The following SYTL3 variants were observed in gnomAD, a reference collection of about 807,000 sequenced individuals.
SYTL3 encodes synaptotagmin like 3, also known as synaptotagmin-like protein 3.
A neutral mutation model predicts 82.1 loss-of-function variants in SYTL3; 88 were observed. The ratio of observed to expected loss-of-function variants is 1.07; its 90% CI spans 0.90 to 1.28. The LOEUF (loss-of-function observed/expected upper bound fraction) is 1.28, where lower values mean the gene tolerates loss of function less well. SYTL3 is among the 50% of genes most tolerant of loss of function. The probability of loss-of-function intolerance (pLI) is 0.00; values close to 1 mark genes in which losing one functional copy is unlikely to be tolerated. For synonymous variants in SYTL3, 311 were observed against 289.4 expected, an observed-to-expected ratio of 1.07 and a Z score of -0.76; for missense variants, 831 against 757.6, an observed-to-expected ratio of 1.10 and a Z score of -1.14.
chr6:158,705,901 G>GGCAGGATGA (rs1413722068), intron 6 of SYTL3, among the ~76,000 whole-genome samples: 1 of 152,132 alleles, frequency 6.6e-6, no homozygotes, highest in Non-Finnish European at 1.5e-5. Context: ...CCCCAGGATG[G>GGCAGGATGA]GCAGGATGAG....
At chr6:158,760,351 G>A (rs945010718) in intron 14 of SYTL3, among the ~76,000 whole-genome samples, 2 of 152,214 alleles carry the variant, frequency 1.3e-5, no homozygotes, top group Admixed American at 1.3e-4. Context: ...TCGTAGAAAT[G>A]TCTTAGGGAG....
At chr6:158,657,437 A>G (rs1407719274) in intron 2 of SYTL3, among the ~76,000 whole-genome samples, 2 of 138,148 alleles carry the variant, frequency 1.4e-5, no homozygotes, top group South Asian at 4.7e-4. Context: ...AAAAAAAAAA[A>G]AAAAAAAAAG....
intron 6 of SYTL3, among the ~76,000 whole-genome samples, chr6:158,692,348 T>G (rs1284690409): frequency 4.9e-5 from 7 of 141,856 alleles, no homozygotes. Context: ...GTATTTCTAA[T>G]AGTTAGGGAA....
At chr6:158,675,987 C>A (rs930668345) in intron 5 of SYTL3, among the ~76,000 whole-genome samples, 1 of 152,096 alleles carries the variant, frequency 6.6e-6, no homozygotes, top group Non-Finnish European at 1.5e-5. Flanking sequence ...AATGGCCATA[C>A]TGCCCAAGGT....
intron 6 of SYTL3, among the ~76,000 whole-genome samples, chr6:158,697,915 C>T (rs1780736269): frequency 6.6e-6 from 1 of 152,144 alleles, no homozygotes; most frequent in Non-Finnish European, 1.5e-5. Flanking sequence ...TGTCTGGTGG[C>T]AGAAGGATGC....
At chr6:158,665,249 A>C in intron 4 of SYTL3, 146 bp from the exon 5 acceptor site, 1 of 687,144 alleles carries the variant, frequency 1.5e-6, no homozygotes, top group East Asian at 2.7e-5. Context: ...GTGAGAGCCC[A>C]GTTCACACAG....
rs117598259 is a variant in SYTL3 at position 158,674,800 on chromosome 6, C to T, written c.330-8125C>T. On this transcript the variant is annotated intron_variant, in intron 5 of 17. Transcript: ENST00000611299. ...AACAGACGACAGACAGGGCACAGACCTTGTTTGTTCTGACCTGCGCAGTGT... is the reference window on the plus strand; with the variant it reads ...AACAGACGACAGACAGGGCACAGACTTTGTTTGTTCTGACCTGCGCAGTGT... 6.9e-3 allele frequency among the ~76,000 whole-genome samples: 1,047 copies of T among 152,240 alleles called. 33 individuals carry two copies. The South Asian group carries it at 0.088, about 13-fold the overall frequency.
chr6:158,745,459 A>G (rs1787504981), intron 11 of SYTL3, 21 bp from the exon 12 acceptor site: 1 of 1,594,702 alleles, frequency 6.3e-7, no homozygotes, highest in Non-Finnish European at 8.5e-7. Flanking sequence ...AACTTATTAT[A>G]TCTGTTATTC....
Position 158,745,651 on chromosome 6 carries a change from T to G in SYTL3, c.1027T>G (p.Cys343Gly). ...CTATGGAGAAGAAAAGAAGAAAAAGTGCAATCCGTAAGTTGTTTTTTTTAA... is the reference window on the plus strand; with the variant it reads ...CTATGGAGAAGAAAAGAAGAAAAAGGGCAATCCGTAAGTTGTTTTTTTTAA... Reference protein sequence around the residue: ...LAYGEEKKKKCNPYVKTYLLP... With the variant: ...LAYGEEKKKKGNPYVKTYLLP... The change falls in exon 12 of 18, where the codon TGC becomes GGC. Residue 343 changes from cysteine (C) to glycine (G), a missense_variant. Cys to Gly is a radical substitution (Grantham distance 159). Coordinates refer to ENST00000611299, the MANE Select transcript of SYTL3 (RefSeq NM_001242394.2). The G allele has an allele frequency of 6.3e-7, 1 of 1,595,610 alleles. No homozygotes were observed. Among genetic ancestry groups the G allele is most frequent in the Non-Finnish European group, 8.5e-7 (1 of 1,173,830 alleles).
At chr6:158,759,597 A>G (rs1789632120) in intron 14 of SYTL3, among the ~76,000 whole-genome samples, 1 of 152,126 alleles carries the variant, frequency 6.6e-6, no homozygotes, top group Non-Finnish European at 1.5e-5. Flanking sequence ...AAGTGGCGTG[A>G]TCTTGGCTCA....
chr6:158,735,936 C>G (rs1786090281), intron 11 of SYTL3, among the ~76,000 whole-genome samples: 1 of 152,182 alleles, frequency 6.6e-6, no homozygotes, highest in African/African-American at 2.4e-5. Flanking sequence ...TAGTTGAACT[C>G]TCTTTAGTTG....
intron 10 of SYTL3, among the ~76,000 whole-genome samples, chr6:158,722,788 T>A (rs1259649150): frequency 3.3e-5 from 4 of 121,614 alleles, no homozygotes; most frequent in Non-Finnish European, 6.7e-5. Flanking sequence ...TTTTTTTTTT[T>A]AAGATGGAGT....
intron 6 of SYTL3, among the ~76,000 whole-genome samples, chr6:158,696,376 T>C (rs942906477): frequency 1.3e-5 from 2 of 151,740 alleles, no homozygotes; most frequent in Non-Finnish European, 2.9e-5. Flanking sequence ...TTTTTTTTTT[T>C]TGTATTTTAG....
Position 158,762,217 on chromosome 6 carries a change from A to G in SYTL3, c.1517+39A>G, listed in dbSNP as rs575578600. ...GTAATCAAATATTTATTGGTGATCT[A>G]GTATACATCACAACATGGCCCAGAA... On this transcript the variant is annotated intron_variant, in intron 16 of 17. Coordinates refer to ENST00000611299, the MANE Select transcript of SYTL3 (RefSeq NM_001242394.2). 249 of 1,447,372 alleles carry G rather than the reference A, an allele frequency of 1.7e-4. 4 individuals carry two copies. In the South Asian group the frequency reaches 2.8e-3, roughly 16 times the overall value. The allele number at this position is 1,447,372 out of a possible 1,614,324, so 89.7% of individuals were successfully genotyped here.
intron 5 of SYTL3, among the ~76,000 whole-genome samples, chr6:158,677,261 A>G (rs1231203990): frequency 2.0e-5 from 3 of 152,204 alleles, no homozygotes; most frequent in Non-Finnish European, 2.9e-5. Flanking sequence ...TTGTAGGGAC[A>G]TGGATGAAGC....
chr6:158,763,445 T>C lies in SYTL3; in HGVS notation c.1659T>C (p.Thr553=), dbSNP rs2128556409. ...AQLRQSSLEL[T]VWDQALFGMN... ...TGAGGCAGTCAAGCTTGGAGTTAAC[T>C]GTCTGGGATCAGGCCCTCTTTGGAA... The change falls in exon 17 of 18, where the codon ACT becomes ACC. Residue 553 remains threonine (T), a synonymous_variant. Transcript: ENST00000611299. 1 of 1,614,200 alleles carries C rather than the reference T, an allele frequency of 6.2e-7. No homozygotes were observed. Among genetic ancestry groups the C allele is most frequent in the Non-Finnish European group, 8.5e-7 (1 of 1,180,020 alleles).
Position 158,678,062 on chromosome 6 carries a change from G to A in SYTL3, c.330-4863G>A, listed in dbSNP as rs151207415. Among the ~76,000 whole-genome samples, 876 of 152,182 alleles carry A rather than the reference G, an allele frequency of 5.8e-3. 16 individuals are homozygous for A. The highest frequency in any genetic ancestry group is 0.017 in the East Asian group (88 of 5,172). Reference sequence around the variant, plus strand: ...GCACCACCATGTCTGGCTGATTTTTGTATTTTTGGTAGGGATGTTGCTCAG... The same window carrying A: ...GCACCACCATGTCTGGCTGATTTTTATATTTTTGGTAGGGATGTTGCTCAG... On this transcript the variant is annotated intron_variant, in intron 5 of 17. Coordinates refer to ENST00000611299, the MANE Select transcript of SYTL3 (RefSeq NM_001242394.2).
intron 5 of SYTL3, among the ~76,000 whole-genome samples, chr6:158,670,587 GC>G (rs1777253194): frequency 6.6e-6 from 1 of 151,800 alleles, no homozygotes; most frequent in South Asian, 2.1e-4. Flanking sequence ...TTCAAGACCA[GC>G]CTGGCCAACA....
At chr6:158,661,567 T>C (rs1043950935) in intron 3 of SYTL3, among the ~76,000 whole-genome samples, 182 bp downstream of exon 3, 6 of 152,258 alleles carry the variant, frequency 3.9e-5, no homozygotes, top group Non-Finnish European at 7.3e-5. Flanking sequence ...ATATTTTAAT[T>C]TTATTTTACA....
Sources: gnomAD v4.1 joint callset for allele counts (sites outside exome capture counted in the v4.1 genomes callset) on GRCh38, gnomAD v4.1.1 for gene constraint, MANE v1.5 for transcripts, NCBI Gene and HGNC (gene_info 2026-07-23, HGNC 2026-07-21) for gene names.